SH3GL2: variants seen among roughly 807,000 people sequenced by gnomAD.
The protein encoded by SH3GL2 is SH3 domain containing GRB2 like 2, endophilin A1.
A neutral mutation model predicts 46.0 loss-of-function variants in SH3GL2; 24 were observed. The observed-to-expected ratio is 0.52, with a 90% confidence interval of 0.38 to 0.73. The LOEUF is 0.73. Ranked by LOEUF, SH3GL2 falls within the 30% of genes least tolerant of loss-of-function variation. The probability of loss-of-function intolerance (pLI) is 0.00; values close to 1 mark genes in which losing one functional copy is unlikely to be tolerated. For synonymous variants in SH3GL2, 196 were observed against 147.1 expected (o/e 1.33, Z -2.40); for missense variants, 413 against 424.2 (o/e 0.97, Z 0.23).
At chr9:17,648,257 T>C (rs1225742663) in intron 1 of SH3GL2, among the ~76,000 whole-genome samples, 3 of 152,158 alleles carry the variant, frequency 2.0e-5, no homozygotes, top group Non-Finnish European at 4.4e-5. Context: ...CACTTGTATA[T>C]AGAGAGATCT....
intron 1 of SH3GL2, among the ~76,000 whole-genome samples, chr9:17,607,972 T>G (rs910014567): frequency 6.6e-5 from 10 of 152,134 alleles, no homozygotes; most frequent in Non-Finnish European, 1.5e-4. Flanking sequence ...TTATATGAAA[T>G]GTTTATTATG....
intron 1 of SH3GL2, among the ~76,000 whole-genome samples, chr9:17,719,448 G>C (rs1306087978): frequency 6.6e-6 from 1 of 152,102 alleles, no homozygotes; most frequent in Non-Finnish European, 1.5e-5. Context: ...AGAGTATAAA[G>C]TTAAGCTATT....
chr9:17,700,095 A>T (rs1351237846), intron 1 of SH3GL2, among the ~76,000 whole-genome samples: 1 of 146,060 alleles, frequency 6.8e-6, no homozygotes, highest in Admixed American at 6.7e-5. Flanking sequence ...GAAGAAGAAC[A>T]TATGGTCATA....
rs577602037 is a variant in SH3GL2 at position 17,697,772 on chromosome 9, C to T, written c.46-49294C>T. Among the ~76,000 whole-genome samples the T allele has an allele frequency of 4.6e-5, 7 of 152,308 alleles. No individual in the cohort carries two copies. In the South Asian group the frequency reaches 6.2e-4, roughly 14 times the overall value. ...ATATTTAAACTGTCTCATAGTTTTG[C>T]AGAAGCAGAAAATGCTAGGATTGTA... On this transcript the variant is annotated intron_variant, in intron 1 of 8. Transcript: ENST00000380607.
chr9:17,606,291 C>T (rs1248152226), intron 1 of SH3GL2, among the ~76,000 whole-genome samples: 1 of 152,134 alleles, frequency 6.6e-6, no homozygotes, highest in African/African-American at 2.4e-5. Context: ...CGAGGTTTCA[C>T]CATCTCGGTC....
intron 1 of SH3GL2, among the ~76,000 whole-genome samples, chr9:17,746,495 G>A (rs1288869352): frequency 6.6e-6 from 1 of 152,144 alleles, no homozygotes; most frequent in African/African-American, 2.4e-5. Context: ...GCCTTCAACA[G>A]CTTTCTATAT....
chr9:17,610,068 T>G (rs1818831714), intron 1 of SH3GL2, among the ~76,000 whole-genome samples: 1 of 152,264 alleles, frequency 6.6e-6, no homozygotes, highest in Non-Finnish European at 1.5e-5. Context: ...ATATCCCCTG[T>G]GTGCAGTTTT....
At chr9:17,685,426 C>G (rs1238366191) in intron 1 of SH3GL2, among the ~76,000 whole-genome samples, 1 of 152,028 alleles carries the variant, frequency 6.6e-6, no homozygotes, top group African/African-American at 2.4e-5. Flanking sequence ...AGCATATCTA[C>G]AAAATACCTT....
At chr9:17,759,616 T>C (rs1823110436) in intron 2 of SH3GL2, among the ~76,000 whole-genome samples, 1 of 152,174 alleles carries the variant, frequency 6.6e-6, no homozygotes, top group Non-Finnish European at 1.5e-5. Flanking sequence ...AAGATATTTA[T>C]AGTCCTTAGA....
chr9:17,756,622 A>T (rs1822997739), intron 2 of SH3GL2, among the ~76,000 whole-genome samples: 1 of 151,970 alleles, frequency 6.6e-6, no homozygotes, highest in Non-Finnish European at 1.5e-5. Flanking sequence ...GATGGTTTCC[A>T]GCTTCATCCA....
At chr9:17,665,406 C>T (rs1045664710) in intron 1 of SH3GL2, among the ~76,000 whole-genome samples, 6 of 152,000 alleles carry the variant, frequency 3.9e-5, no homozygotes, top group African/African-American at 7.2e-5. Flanking sequence ...TTTTTTCTTT[C>T]GTGACCTTGA....
chr9:17,792,874 C>T (rs1326173381), intron 7 of SH3GL2, among the ~76,000 whole-genome samples: 1 of 152,092 alleles, frequency 6.6e-6, no homozygotes, highest in Non-Finnish European at 1.5e-5. Context: ...GTTCTGTCTC[C>T]CTTACAGACC....
chr9:17,617,812 C>T (rs980506340), intron 1 of SH3GL2, among the ~76,000 whole-genome samples: 4 of 151,976 alleles, frequency 2.6e-5, no homozygotes, highest in African/African-American at 7.3e-5. Context: ...TGAGAAATAG[C>T]GTATTTGGAA....
chr9:17,768,324 T>G (rs1205113261), intron 3 of SH3GL2, among the ~76,000 whole-genome samples: 1 of 134,536 alleles, frequency 7.4e-6, no homozygotes, highest in Non-Finnish European at 1.5e-5. Flanking sequence ...TGAGCCAGGA[T>G]CATGCCACTG....
chr9:17,723,826 A>G (rs914777776), intron 1 of SH3GL2, among the ~76,000 whole-genome samples: 1 of 152,050 alleles, frequency 6.6e-6, no homozygotes, highest in African/African-American at 2.4e-5. Context: ...TCCTAGTGTC[A>G]TCTGGCCTCC....
chr9:17,679,689 G>A (rs1820716042), intron 1 of SH3GL2, among the ~76,000 whole-genome samples: 2 of 152,310 alleles, frequency 1.3e-5, no homozygotes, highest in African/African-American at 2.4e-5. Context: ...GTGAGAGAGG[G>A]CATCCTTGTC....
chr9:17,777,736 C>T (rs1823682628), intron 3 of SH3GL2, among the ~76,000 whole-genome samples: 1 of 152,020 alleles, frequency 6.6e-6, no homozygotes. Context: ...ATAAGGTTAC[C>T]AATCCTACTG....
chr9:17,598,215 AC>A (rs1468276281), intron 1 of SH3GL2, among the ~76,000 whole-genome samples: 1 of 152,178 alleles, frequency 6.6e-6, no homozygotes, highest in Non-Finnish European at 1.5e-5. Context: ...TGAACAGGGT[AC>A]TACTATTTGC....
intron 1 of SH3GL2, among the ~76,000 whole-genome samples, chr9:17,696,888 C>G (rs73645141): frequency 6.6e-6 from 1 of 152,174 alleles, no homozygotes; most frequent in Non-Finnish European, 1.5e-5. Flanking sequence ...ATATCCATAA[C>G]CCTCTTACCT....
Sources: allele counts gnomAD v4.1 joint callset (sites outside exome capture counted in the v4.1 genomes callset), GRCh38; gene constraint gnomAD v4.1.1; transcripts MANE v1.5; gene names NCBI Gene and HGNC (gene_info 2026-07-23, HGNC 2026-07-21).